Variants in STK35 observed in about 807,000 individuals in gnomAD.
The protein encoded by STK35 is serine/threonine-protein kinase 35.
A neutral mutation model predicts 37.3 loss-of-function variants in STK35; 17 were observed. That is an observed-to-expected ratio of 0.46 (90% CI 0.31 to 0.68). The LOEUF (loss-of-function observed/expected upper bound fraction) is 0.68, where lower values mean the gene tolerates loss of function less well. Ranked by LOEUF, STK35 falls within the 30% of genes least tolerant of loss-of-function variation. The probability of loss-of-function intolerance (pLI) is 0.05; values close to 1 mark genes in which losing one functional copy is unlikely to be tolerated. For missense variants in STK35, 595 were observed against 746.7 expected (o/e 0.80, Z 2.37); for synonymous variants, 385 against 319.1 (o/e 1.21, Z -2.20).
chr20:2,105,707 T>TCTTA, intron 2 of STK35, among the ~76,000 whole-genome samples: 1 of 151,870 alleles, frequency 6.6e-6, no homozygotes, highest in Admixed American at 6.6e-5. Flanking sequence ...ATTCACTGCC[T>TCTTA]TATATAAGTT....
intron 3 of STK35, among the ~76,000 whole-genome samples, chr20:2,131,853 G>A (rs1986006668): frequency 6.6e-6 from 1 of 151,978 alleles, no homozygotes; most frequent in Non-Finnish European, 1.5e-5. Context: ...CAAAGCGCTG[G>A]GCTTACAAGC....
chr20:2,137,819 G>A (rs1986111505), intron 3 of STK35, among the ~76,000 whole-genome samples: 1 of 145,422 alleles, frequency 6.9e-6, no homozygotes, highest in Non-Finnish European at 1.5e-5. Context: ...CTGGCATGTT[G>A]ATGTCTGAAT....
chr20:2,114,392 T>G (rs1322476672), intron 2 of STK35, among the ~76,000 whole-genome samples: 4 of 152,134 alleles, frequency 2.6e-5, no homozygotes, highest in Non-Finnish European at 5.9e-5. Flanking sequence ...TACTGTGAGC[T>G]ATGGTCACAC....
chr20:2,104,901 C>G (rs1206010944), intron 2 of STK35, among the ~76,000 whole-genome samples: 1 of 151,950 alleles, frequency 6.6e-6, no homozygotes, highest in Non-Finnish European at 1.5e-5. Flanking sequence ...GACTGTAATC[C>G]CAGCACTTTG....
intron 3 of STK35, among the ~76,000 whole-genome samples, chr20:2,132,912 C>T (rs551990864): frequency 5.9e-5 from 9 of 152,198 alleles, no homozygotes; most frequent in African/African-American, 1.9e-4. Flanking sequence ...AGGCTGTGTC[C>T]GGCGCAGTTC....
At position 2,102,060 on chromosome 20, in the gene STK35, C is replaced by T; in HGVS notation, c.179C>T (p.Ala60Val). The change falls in exon 1 of 4, where the codon GCC (alanine) becomes GTC (valine). Residue 60 changes from alanine to valine, a missense_variant. Ala to Val is a moderately conservative substitution (Grantham distance 64). Around this residue, in one of 3 missense-constraint regions of STK35, gnomAD observed 389 missense variants for 320.0 expected, o/e 1.22. Coordinates refer to ENST00000381482, the MANE Select transcript of STK35 (RefSeq NM_080836.4). Reference protein sequence around the residue: ...AEGSATRRARAATSRAARSRR... With the variant: ...AEGSATRRARVATSRAARSRR... ...GGATCCGCTACACGCCGGGCTCGGG[C>T]CGCCACCTCCCGCGCTGCTCGGTCC... The T allele has an allele frequency of 2.6e-6, 4 of 1,522,594 alleles. No individual in the cohort carries two copies. Among genetic ancestry groups the T allele is most frequent in the South Asian group, 1.2e-5 (1 of 82,996 alleles). 94.3% of individuals were successfully genotyped at this position (1,522,594 alleles called of 1,614,324 possible).
chr20:2,109,482 T>C (rs944617508), intron 2 of STK35, among the ~76,000 whole-genome samples: 3 of 152,250 alleles, frequency 2.0e-5, no homozygotes, highest in African/African-American at 7.2e-5. Context: ...CACTGTAAAG[T>C]TGGTGTTTAT....
At position 2,103,007 on chromosome 20, in the gene STK35, C is replaced by G. The variant is rs1985435389; in HGVS notation, c.534C>G (p.Ala178=). The change falls in exon 2 of 4, where the codon GCC becomes GCG. Residue 178 remains alanine (A), a synonymous_variant. Transcript: ENST00000381482. ...AAARAMDPVA[A]EAPGEAFLAR... ...CCCGGGCCATGGATCCGGTGGCGGC[C>G]GAGGCCCCGGGCGAGGCCTTCCTGG... 2 of 1,420,886 alleles carry G rather than the reference C, an allele frequency of 1.4e-6. No homozygotes were observed. The highest frequency in any genetic ancestry group is 3.3e-5 in the Admixed American group (1 of 30,474). The allele number at this position is 1,420,886 out of a possible 1,614,324, so 88.0% of individuals were successfully genotyped here. A position where few individuals can be genotyped will look rare whatever the true frequency, so the allele number is the denominator to read the frequency against.
chr20:2,101,914 G>A lies in STK35; in HGVS notation c.33G>A (p.Ala11=), dbSNP rs1251652703. 2.1e-6 allele frequency: 3 copies of A among 1,463,292 alleles called. No homozygotes were observed. The highest frequency in any genetic ancestry group is 2.9e-5 in the African/African-American group (2 of 68,842). The allele number at this position is 1,463,292 out of a possible 1,614,324, so 90.6% of individuals were successfully genotyped here. MGHQESPLAR[A]PAGGAAYVKR... ...ACCAGGAGTCTCCGCTGGCCCGGGC[G>A]CCGGCGGGAGGTGCAGCTTATGTAA... Residue 11 remains alanine, a synonymous_variant, in exon 1 of 4, where the codon GCG becomes GCA. Coordinates refer to ENST00000381482, the MANE Select transcript of STK35 (RefSeq NM_080836.4).
chr20:2,106,818 G>A (rs6081971), intron 2 of STK35, among the ~76,000 whole-genome samples: 71,023 of 151,978 alleles, frequency 0.47, 17,424 homozygotes, highest in East Asian at 0.94. Context: ...CCTACCCAGA[G>A]GCATTAAGAC....
chr20:2,130,789 G>A (rs546618965), intron 3 of STK35, among the ~76,000 whole-genome samples: 20 of 152,132 alleles, frequency 1.3e-4, no homozygotes, highest in Non-Finnish European at 2.6e-4. Flanking sequence ...GCAAGCACCC[G>A]GAGCTGAGGG....
rs564048375 is a variant in STK35, at chr20:2,114,100, C to T, written c.893-2566C>T. Among the ~76,000 whole-genome samples, 10 of 152,128 alleles carry T rather than the reference C, an allele frequency of 6.6e-5. No individual in the cohort carries two copies. The East Asian group carries it at 9.7e-4, about 15-fold the overall frequency. The stretch of plus-strand genomic sequence containing the variant: ...TCCACGTCGCCTCCTTCCATCTGGT[C>T]GTGAGGTAGCTGAGACCCCGTTAGA... On this transcript the variant is annotated intron_variant, in intron 2 of 3. Transcript: ENST00000381482.
At chr20:2,134,392 CTCTT>C (rs1198496028) in intron 3 of STK35, among the ~76,000 whole-genome samples, 2 of 152,292 alleles carry the variant, frequency 1.3e-5, no homozygotes, top group East Asian at 3.9e-4. Context: ...CCTCCAAACA[CTCTT>C]TGGCCTGATT....
chr20:2,115,988 T>G (rs1421363991), intron 2 of STK35, among the ~76,000 whole-genome samples: 1 of 152,164 alleles, frequency 6.6e-6, no homozygotes, highest in Non-Finnish European at 1.5e-5. Context: ...TTGTAGTAGT[T>G]GAGCCTGATG....
At position 2,116,899 on chromosome 20, in the gene STK35, A is replaced by G; in HGVS notation, c.1126A>G (p.Ile376Val). 2 of 1,614,154 alleles carry G rather than the reference A, an allele frequency of 1.2e-6. No homozygotes were observed. The highest frequency in any genetic ancestry group is 1.7e-6 in the Non-Finnish European group (2 of 1,180,008). The change falls in exon 3 of 4, where the codon ATC becomes GTC. Residue 376 changes from isoleucine (I) to valine (V), a missense_variant. Physicochemically the swap from Ile to Val is conservative, Grantham distance 29. Around this residue, in one of 3 missense-constraint regions of STK35, gnomAD observed 109 missense variants for 280.3 expected, o/e 0.39. Coordinates refer to ENST00000381482, the MANE Select transcript of STK35 (RefSeq NM_080836.4). ...CATCACAGAGCGGTCTGGCACCCCC[A>G]TCCTCAAAGTGGCCGACTTTGGACT... Reference protein sequence around the residue: ...ILITERSGTPILKVADFGLSK... With the variant: ...ILITERSGTPVLKVADFGLSK...
intron 3 of STK35, among the ~76,000 whole-genome samples, chr20:2,136,354 C>T (rs1600620371): frequency 3.3e-5 from 5 of 152,342 alleles, no homozygotes; most frequent in South Asian, 4.1e-4. Flanking sequence ...TCATTTCTCT[C>T]ACCCAGCTCT....
chr20:2,103,836 C>T (rs1228325904), intron 2 of STK35, among the ~76,000 whole-genome samples: 3 of 152,092 alleles, frequency 2.0e-5, no homozygotes, highest in Admixed American at 1.3e-4. Flanking sequence ...TTCCTGACAC[C>T]CTCCAGCTCC....
rs1269495505 is a variant in STK35, at chr20:2,143,996, C to A, written c.*250C>A. On this transcript the variant is annotated 3_prime_UTR_variant, in exon 4 of 4. Transcript: ENST00000381482. ...CCTCTTTCCTTTTTTTAAATTTAAA[C>A]CATTGAGACTTCAGAAGAGCAGGAC... The A allele has an allele frequency of 2.7e-5, 11 of 400,362 alleles. No homozygotes were observed. Among genetic ancestry groups the A allele is most frequent in the African/African-American group, 2.2e-4 (10 of 45,822 alleles). The allele number at this position is 400,362 out of a possible 1,614,324, so 24.8% of individuals were successfully genotyped here.
intron 2 of STK35, among the ~76,000 whole-genome samples, chr20:2,110,304 T>TATA (rs1323081362): frequency 6.6e-6 from 1 of 152,266 alleles, no homozygotes; most frequent in Non-Finnish European, 1.5e-5. Flanking sequence ...GACATAACTT[T>TATA]ATAATTTTAA....
Sources: gnomAD v4.1 joint callset for allele counts (sites outside exome capture counted in the v4.1 genomes callset) on GRCh38, gnomAD v4.1.1 for gene constraint, gnomAD v4.1.1 regional missense constraint, MANE v1.5 for transcripts, NCBI Gene and HGNC (gene_info 2026-07-23, HGNC 2026-07-21) for gene names.